TKTL1: variants seen among roughly 807,000 people sequenced by gnomAD.
TKTL1 encodes transketolase like 1.
Under a neutral mutation model 39.3 loss-of-function variants are expected in TKTL1, and 1 was observed. That is an observed-to-expected ratio of 0.03 (90% CI 0.01 to 0.12). The LOEUF is 0.12. Among genes scored for constraint, TKTL1 ranks in the 10% least tolerant of loss-of-function variants. TKTL1 has a pLI of 1.00. For missense variants in TKTL1, 575 were observed against 509.6 expected (o/e 1.13, Z -1.24); for synonymous variants, 262 against 193.8 (o/e 1.35, Z -2.92).
intron 1 of TKTL1, among the ~76,000 whole-genome samples, chrX:154,302,781 T>C (rs781845844): frequency 9.0e-6 from 1 of 111,434 alleles, no homozygotes; most frequent in Non-Finnish European, 1.9e-5. Context: ...CAGTGACTAG[T>C]GTCCTTATAA....
chrX:154,309,933 C>A (rs1166957559), intron 3 of TKTL1, among the ~76,000 whole-genome samples: 3 of 108,640 alleles, frequency 2.8e-5, no homozygotes, highest in Non-Finnish European at 5.7e-5. Flanking sequence ...TGGGGTTTCG[C>A]CATGTTGGCC....
At chrX:154,321,431 C>T (rs868991018) in intron 8 of TKTL1, among the ~76,000 whole-genome samples, 17 of 92,218 alleles carry the variant, frequency 1.8e-4, no homozygotes, top group Middle Eastern at 6.6e-3. Context: ...GGCAGGTGGG[C>T]TAGAAGGAAA....
At chrX:154,317,330 A>G (rs782439642) in intron 7 of TKTL1, among the ~76,000 whole-genome samples, 65 of 111,892 alleles carry the variant, frequency 5.8e-4, no homozygotes, top group Non-Finnish European at 1.1e-3. Context: ...ACCTCTCAGA[A>G]AAGGTGATAC....
At chrX:154,303,336 C>A (rs1386681541) in intron 1 of TKTL1, among the ~76,000 whole-genome samples, 13 of 102,048 alleles carry the variant, frequency 1.3e-4, no homozygotes, top group Non-Finnish European at 2.4e-4. Context: ...CCTCAGCCTC[C>A]CAAGTAGCTT....
chrX:154,324,033 G>GTA (rs1272604804), intron 9 of TKTL1, among the ~76,000 whole-genome samples: 3 of 112,520 alleles, frequency 2.7e-5, no homozygotes, highest in African/African-American at 9.7e-5. Flanking sequence ...GATGGGGACT[G>GTA]TATGTTCCCT....
rs782677442 is a variant in TKTL1 at position 154,305,290 on chromosome X, T to G, written c.135-14T>G. ...TTGCTGTGAGAAATGACCAGTGTCATGTCTGTCTTTCAGCCACCCTACATC... is the reference window on the plus strand; with the variant it reads ...TTGCTGTGAGAAATGACCAGTGTCAGGTCTGTCTTTCAGCCACCCTACATC... On this transcript the variant is annotated splice_polypyrimidine_tract_variant and intron_variant, in intron 1 of 12. Transcript: ENST00000369915. The G allele has an allele frequency of 1.1e-5, 13 of 1,201,687 alleles. No individual in the cohort carries two copies. Among genetic ancestry groups the G allele is most frequent in the Admixed American group, 2.2e-5 (1 of 45,592 alleles).
At chrX:154,301,255 C>A (rs1286796767) in intron 1 of TKTL1, among the ~76,000 whole-genome samples, 1 of 110,012 alleles carries the variant, frequency 9.1e-6, no homozygotes, top group Non-Finnish European at 1.9e-5. Flanking sequence ...GTGGCTCATG[C>A]CTGTAATCCC....
Position 154,327,910 on chromosome X carries a change from A to G in TKTL1, c.1570A>G (p.Lys524Glu). 1 of 1,211,796 alleles carries G rather than the reference A, an allele frequency of 8.3e-7. No homozygotes were observed. The highest frequency in any genetic ancestry group is 1.8e-5 in the South Asian group (1 of 56,993). Residue 524 changes from lysine (K) to glutamate (E), a missense_variant, in exon 12 of 13, where the codon AAA becomes GAA. Coordinates refer to ENST00000369915, the MANE Select transcript of TKTL1 (RefSeq NM_012253.4). ...LDVATIVSSA[K>E]ATEGRIITVE... ...TGTCGCCACCATCGTCTCCAGTGCAAAAGCCACAGAGGGCCGGATCATTAC... is the reference window on the plus strand; with the variant it reads ...TGTCGCCACCATCGTCTCCAGTGCAGAAGCCACAGAGGGCCGGATCATTAC...
At chrX:154,328,470 C>G (rs782743743) in intron 12 of TKTL1, among the ~76,000 whole-genome samples, 33 of 92,496 alleles carry the variant, frequency 3.6e-4, no homozygotes, top group Non-Finnish European at 5.8e-4. Context: ...CACTTGAACC[C>G]AGGAGGTGGA....
At chrX:154,320,937 C>T (rs781843596) in intron 8 of TKTL1, 24 bp downstream of exon 8, 1 of 1,197,229 alleles carries the variant, frequency 8.4e-7, no homozygotes, top group South Asian at 1.8e-5. Flanking sequence ...ATGCCATCAT[C>T]TTGGTAGCCT....
chrX:154,296,970 C>T (rs892320470), intron 1 of TKTL1, among the ~76,000 whole-genome samples: 1 of 111,786 alleles, frequency 8.9e-6, no homozygotes, highest in Non-Finnish European at 1.9e-5. Flanking sequence ...CCAGCCTGGG[C>T]AAGAGCGAGA....
chrX:154,317,105 C>T (rs782251300), intron 7 of TKTL1, among the ~76,000 whole-genome samples: 3 of 111,470 alleles, frequency 2.7e-5, no homozygotes, highest in Admixed American at 9.6e-5. Flanking sequence ...GAAAACAATG[C>T]GATCCGTAAT....
chrX:154,328,156 A>G (rs1168128247), intron 12 of TKTL1, among the ~76,000 whole-genome samples, 198 bp downstream of exon 12: 3 of 111,910 alleles, frequency 2.7e-5, no homozygotes, highest in Non-Finnish European at 5.6e-5. Context: ...CCCAGTCACC[A>G]GGGCGGGTCA....
intron 1 of TKTL1, among the ~76,000 whole-genome samples, chrX:154,299,425 G>A (rs2148798332): frequency 9.1e-6 from 1 of 110,433 alleles, no homozygotes; most frequent in South Asian, 3.8e-4. Flanking sequence ...AAAGTGCTGG[G>A]ATTACAGGCA....
intron 1 of TKTL1, among the ~76,000 whole-genome samples, chrX:154,299,052 C>A (rs2067252320): frequency 9.2e-6 from 1 of 108,940 alleles, no homozygotes; most frequent in South Asian, 3.9e-4. Context: ...CTAGAAATGT[C>A]CCACTTGGCA....
Position 154,327,644 on chromosome X carries a change from T to C in TKTL1, c.1455T>C (p.Thr485=). The change falls in exon 11 of 13, where the codon ACT becomes ACC. Residue 485 remains threonine (T), a synonymous_variant. Coordinates refer to ENST00000369915, the MANE Select transcript of TKTL1 (RefSeq NM_012253.4). ...TCACAGTTATTGGAGCTGGAATTAC[T>C]GTGTATGAAGCCTTAGCAGCTGCTG... ...DKVTVIGAGI[T]VYEALAAADE... The C allele has an allele frequency of 8.3e-7, 1 of 1,211,600 alleles. No homozygotes were observed. The highest frequency in any genetic ancestry group is 2.2e-5 in the Admixed American group (1 of 46,048).
intron 7 of TKTL1, among the ~76,000 whole-genome samples, chrX:154,318,384 T>G (rs1244355233): frequency 9.1e-6 from 1 of 110,216 alleles, no homozygotes; most frequent in Admixed American, 9.8e-5. Flanking sequence ...AGGCTGAAGC[T>G]GGAGGATTGC....
In TKTL1 at chrX:154,311,238, A is replaced by G. The variant is rs782161822; in HGVS notation, c.670A>G (p.Ser224Gly). 1.2e-5 allele frequency: 14 copies of G among 1,210,224 alleles called. No individual in the cohort carries two copies. Among genetic ancestry groups the G allele is most frequent in the African/African-American group, 1.0e-4 (6 of 57,348 alleles). Residue 224 changes from serine to glycine, a missense_variant and splice_region_variant, in exon 5 of 13, where the codon AGT becomes GGT. Ser to Gly is a moderately conservative substitution (Grantham distance 56, BLOSUM62 0). Coordinates refer to ENST00000369915, the MANE Select transcript of TKTL1 (RefSeq NM_012253.4). ...GACCTTCAAGGGCCGGGGCACCCCAAGTAAGCAAGCACTTTCCTCCTGCTC... is the reference window on the plus strand; with the variant it reads ...GACCTTCAAGGGCCGGGGCACCCCAGGTAAGCAAGCACTTTCCTCCTGCTC... ...AKTFKGRGTP[S>G]IEDAESWHAK...
Position 154,305,858 on chromosome X carries a change from T to C in TKTL1, c.252+437T>C, listed in dbSNP as rs146927191. ...TTCTGCACATCTGACCTGAAACTGATGGGCACTTCTCATGAGATTGGGCAA... is the reference window on the plus strand; with the variant it reads ...TTCTGCACATCTGACCTGAAACTGACGGGCACTTCTCATGAGATTGGGCAA... On this transcript the variant is annotated intron_variant, in intron 2 of 12. Transcript: ENST00000369915. Among the ~76,000 whole-genome samples the C allele has an allele frequency of 2.2e-4, 25 of 111,441 alleles. No individual in the cohort carries two copies. The East Asian group carries it at 7.1e-3, about 31-fold the overall frequency.
Sources: allele counts gnomAD v4.1 joint callset (sites outside exome capture counted in the v4.1 genomes callset), GRCh38; gene constraint gnomAD v4.1.1; transcripts MANE v1.5; gene names NCBI Gene and HGNC (gene_info 2026-07-23, HGNC 2026-07-21).